ZSWIM3: variants seen among roughly 807,000 people sequenced by gnomAD.
ZSWIM3 encodes the protein zinc finger SWIM domain-containing protein 3.
In ZSWIM3, 27 loss-of-function variants were observed where a neutral mutation model predicts 47.5. The ratio of observed to expected loss-of-function variants is 0.57; its 90% CI spans 0.42 to 0.78. The LOEUF (loss-of-function observed/expected upper bound fraction) is 0.78, where lower values mean the gene tolerates loss of function less well. ZSWIM3 is among the 30% of genes least tolerant of loss of function. ZSWIM3 has a pLI of 0.00. For synonymous variants in ZSWIM3, 333 were observed against 333.9 expected (o/e 1.00, Z 0.03); for missense variants, 689 against 861.3 (o/e 0.80, Z 2.50).
At chr20:45,858,736 T>C (rs1985617556) in intron 1 of ZSWIM3, among the ~76,000 whole-genome samples, 1 of 152,136 alleles carries the variant, frequency 6.6e-6, no homozygotes, top group South Asian at 2.1e-4. Flanking sequence ...ACACTTTCCA[T>C]GTGCCAGGCA....
intron 1 of ZSWIM3, 64 bp downstream of exon 1, chr20:45,858,044 G>GGA: frequency 6.5e-7 from 1 of 1,543,140 alleles, no homozygotes; most frequent in Non-Finnish European, 8.8e-7. Flanking sequence ...CCGGAGGGCT[G>GGA]CCTGGAGGAG....
intron 1 of ZSWIM3, among the ~76,000 whole-genome samples, chr20:45,859,792 CAAA>C (rs765560893): frequency 5.0e-4 from 26 of 52,098 alleles, no homozygotes; most frequent in South Asian, 1.4e-3. Context: ...GAGAGGAATA[CAAA>C]AAAAAAAAAA....
intron 1 of ZSWIM3, among the ~76,000 whole-genome samples, chr20:45,868,481 C>G (rs1490301353): frequency 6.6e-6 from 1 of 151,896 alleles, no homozygotes; most frequent in Non-Finnish European, 1.5e-5. Flanking sequence ...GTGGTGCGAC[C>G]TTGGCTCACT....
At position 45,877,868 on chromosome 20, in the gene ZSWIM3, C is replaced by T. The variant is rs764888829; in HGVS notation, c.1310C>T (p.Pro437Leu). ...AAAGGCTTGAAGAACTTGCCCACAC[C>T]TCCTCCCAAATTAAAGAGAGCTCGG... is the stretch of plus-strand genomic sequence containing the variant. ...NTKGLKNLPT[P>L]PPKLKRARPA... Residue 437 changes from proline (P) to leucine (L), a missense_variant, in exon 2 of 2, where the codon CCT (proline) becomes CTT (leucine). Physicochemically the swap from Pro to Leu is moderately conservative, Grantham distance 98. Coordinates refer to ENST00000255152, the MANE Select transcript of ZSWIM3 (RefSeq NM_080752.4). The T allele has an allele frequency of 6.2e-7, 1 of 1,614,164 alleles. No individual in the cohort carries two copies.
rs2903808 is a variant in ZSWIM3, at chr20:45,877,334, T to C, written c.776T>C (p.Val259Ala). The C allele has an allele frequency of 0.62, 993,961 of 1,613,846 alleles. 307,940 individuals carry two copies. The highest frequency in any genetic ancestry group is 0.68 in the Admixed American group (40,671 of 60,004). ...TTTGCTGTGCTCAAGGCGGAGACAGTCACCTCTGTGGCCAAGATGCTGAGC... is the reference window on the plus strand; with the variant it reads ...TTTGCTGTGCTCAAGGCGGAGACAGCCACCTCTGTGGCCAAGATGCTGAGC... ...VHFAVLKAET[V>A]TSVAKMLSIF... Residue 259 changes from valine to alanine, a missense_variant, in exon 2 of 2, where the codon GTC (valine) becomes GCC (alanine). Physicochemically the swap from Val to Ala is moderately conservative, Grantham distance 64. Transcript: ENST00000255152.
chr20:45,870,433 A>G (rs1313887031), intron 1 of ZSWIM3, among the ~76,000 whole-genome samples: 2 of 152,158 alleles, frequency 1.3e-5, no homozygotes, highest in African/African-American at 4.8e-5. Context: ...TCCTAATACA[A>G]TTACCTTAAT....
At chr20:45,874,824 T>G (rs968935896) in intron 1 of ZSWIM3, among the ~76,000 whole-genome samples, 6 of 151,672 alleles carry the variant, frequency 4.0e-5, no homozygotes, top group Admixed American at 1.3e-4. Flanking sequence ...GAGAATGGAG[T>G]TGGGGCTTAG....
intron 1 of ZSWIM3, among the ~76,000 whole-genome samples, chr20:45,859,980 C>T (rs969988022): frequency 6.6e-5 from 10 of 152,086 alleles, no homozygotes; most frequent in South Asian, 2.1e-4. Context: ...AGAAAAATCA[C>T]TGCGAGCTAG....
At position 45,876,752 on chromosome 20, in the gene ZSWIM3, C is replaced by T; in HGVS notation, c.194C>T (p.Ser65Leu). 6.2e-7 allele frequency: 1 copy of T among 1,613,836 alleles called. No individual in the cohort carries two copies. Among genetic ancestry groups the T allele is most frequent in the South Asian group, 1.1e-5 (1 of 91,038 alleles). ...AAATTTGTCTGCATTCGGACCCAAT[C>T]AAACAGGAAGAGAACGCGGGAGGCA... ...QVKFVCIRTQSNRKRTREADM... is the reference protein window; with the variant it reads ...QVKFVCIRTQLNRKRTREADM... The change falls in exon 2 of 2, where the codon TCA (serine) becomes TTA (leucine). Residue 65 changes from serine (S) to leucine (L), a missense_variant. Physicochemically the swap from Ser to Leu is moderately radical, Grantham distance 145 (BLOSUM62 -2). Coordinates refer to ENST00000255152, the MANE Select transcript of ZSWIM3 (RefSeq NM_080752.4).
At chr20:45,866,646 A>G (rs1419019950) in intron 1 of ZSWIM3, among the ~76,000 whole-genome samples, 1 of 152,094 alleles carries the variant, frequency 6.6e-6, no homozygotes, top group East Asian at 1.9e-4. Context: ...TTTCTACAAA[A>G]AATAAATTAA....
chr20:45,861,394 G>C (rs867514381), intron 1 of ZSWIM3, among the ~76,000 whole-genome samples: 3 of 149,388 alleles, frequency 2.0e-5, no homozygotes, highest in Admixed American at 6.7e-5. Context: ...CTACATTTTA[G>C]CCTGGGCAAC....
chr20:45,857,984 AGGGCGGGCG>A lies in ZSWIM3; in HGVS notation c.155+12_155+20del. The A allele has an allele frequency of 8.7e-6, 1 of 114,652 alleles. No individual in the cohort carries two copies. Among genetic ancestry groups the A allele is most frequent in the Non-Finnish European group, 1.7e-5 (1 of 57,174 alleles). The allele number at this position is 114,652 out of a possible 1,614,324, so 7.1% of individuals were successfully genotyped here. A position where few individuals can be genotyped will look rare whatever the true frequency, so the allele number is the denominator to read the frequency against. On this transcript the variant is annotated splice_donor_5th_base_variant and intron_variant, in intron 1 of 1. Transcript: ENST00000255152. The stretch of plus-strand genomic sequence containing the variant: ...CCTCCATCCGCGAAGACATCCTGTA[AGGGCGGGCG>A]GGGCGGGGCGGGCCAAGAGGGTGGG...
Position 45,872,841 on chromosome 20 carries a change from G to C in ZSWIM3, c.156-3873G>C, listed in dbSNP as rs745416337. On this transcript the variant is annotated intron_variant, in intron 1 of 1. Transcript: ENST00000255152. The stretch of plus-strand genomic sequence containing the variant: ...CACACAATAGGTACAGACACTCTCA[G>C]CCCCAAACCCCTCCAGCCTGTTACT... The C allele has an allele frequency of 5.2e-5, 66 of 1,270,798 alleles. No individual in the cohort carries two copies. The South Asian group carries it at 6.0e-4, about 12-fold the overall frequency. The allele number at this position is 1,270,798 out of a possible 1,614,324, so 78.7% of individuals were successfully genotyped here. A position where few individuals can be genotyped will look rare whatever the true frequency, so the allele number is the denominator to read the frequency against.
chr20:45,860,162 T>C (rs950068023), intron 1 of ZSWIM3, among the ~76,000 whole-genome samples: 1 of 152,198 alleles, frequency 6.6e-6, no homozygotes, highest in African/African-American at 2.4e-5. Flanking sequence ...GGCACAGGTC[T>C]TAGCAGGCTA....
In ZSWIM3 at chr20:45,877,654, C is replaced by T. The variant is rs776795677; in HGVS notation, c.1096C>T (p.Leu366=). ...AVLDEDLFNF[L]QAHWFTCELL... is the part of the protein sequence containing the mutation. ...ACTGGATGAGGATCTCTTCAACTTC[C>T]TGCAGGCCCACTGGTTCACCTGTGA... The change falls in exon 2 of 2, where the codon CTG becomes TTG. Residue 366 remains leucine, a synonymous_variant. Coordinates refer to ENST00000255152, the MANE Select transcript of ZSWIM3 (RefSeq NM_080752.4). The T allele has an allele frequency of 6.2e-6, 10 of 1,614,156 alleles. No homozygotes were observed. Among genetic ancestry groups the T allele is most frequent in the Non-Finnish European group, 6.8e-6 (8 of 1,179,996 alleles).
intron 1 of ZSWIM3, among the ~76,000 whole-genome samples, chr20:45,862,586 G>A (rs1356928877): frequency 6.6e-6 from 1 of 151,898 alleles, no homozygotes; most frequent in African/African-American, 2.4e-5. Context: ...CTGCCTCCCG[G>A]GTTCAAGTGA....
chr20:45,863,177 T>TTTTTG (rs1555827177), intron 1 of ZSWIM3, among the ~76,000 whole-genome samples: 3 of 111,244 alleles, frequency 2.7e-5, no homozygotes, highest in African/African-American at 8.6e-5. Flanking sequence ...TTGTTTTTTT[T>TTTTTG]TTTGTTTGTT....
In ZSWIM3 at chr20:45,857,886, A is replaced by G; in HGVS notation, c.61A>G (p.Lys21Glu). The part of the protein sequence containing the change: ...EDFKECFSAY[K>E]RENRCSFILR... ...CTTCAAGGAGTGCTTCAGCGCCTAC[A>G]AAAGGGAGAACAGGTGCTCCTTCAT... The change falls in exon 1 of 2, where the codon AAA becomes GAA. Residue 21 changes from lysine to glutamate, a missense_variant. By Grantham distance (56) the Lys-to-Glu change is moderately conservative. Transcript: ENST00000255152. 1.2e-6 allele frequency: 2 copies of G among 1,614,058 alleles called. No individual in the cohort carries two copies. Among genetic ancestry groups the G allele is most frequent in the Non-Finnish European group, 1.7e-6 (2 of 1,179,976 alleles).
chr20:45,873,638 C>G (rs1366924412), intron 1 of ZSWIM3, among the ~76,000 whole-genome samples: 3 of 152,128 alleles, frequency 2.0e-5, no homozygotes, highest in African/African-American at 4.8e-5. Context: ...CTCATTTAAT[C>G]TTAATAACAA....
Sources: allele counts gnomAD v4.1 joint callset (sites outside exome capture counted in the v4.1 genomes callset), GRCh38; gene constraint gnomAD v4.1.1; transcripts MANE v1.5; gene names NCBI Gene and HGNC (gene_info 2026-07-23, HGNC 2026-07-21).